DAB1: variants seen among roughly 807,000 people sequenced by gnomAD.
The protein encoded by DAB1 is disabled homolog 1.
DAB1 carries 15 observed loss-of-function variants against 64.6 expected under a neutral mutation model. The observed-to-expected ratio is 0.23, with a 90% confidence interval of 0.16 to 0.36. The LOEUF (loss-of-function observed/expected upper bound fraction) is 0.36, where lower values mean the gene tolerates loss of function less well. DAB1 is among the 10% of genes least tolerant of loss of function. The probability of loss-of-function intolerance (pLI) is 1.00; values close to 1 mark genes in which losing one functional copy is unlikely to be tolerated. For synonymous variants in DAB1, 235 were observed against 251.9 expected (o/e 0.93, Z 0.64); for missense variants, 596 against 706.7 (o/e 0.84, Z 1.78).
chr1:57,205,327 T>C (rs985967423), intron 2 of DAB1, among the ~76,000 whole-genome samples: 3 of 152,208 alleles, frequency 2.0e-5, no homozygotes, highest in Non-Finnish European at 2.9e-5. Flanking sequence ...CAAATACTTA[T>C]TGAGCACCTG....
At chr1:58,116,136 C>T (rs189783021) in intron 5 of DAB1, among the ~76,000 whole-genome samples, 194 of 152,280 alleles carry the variant, frequency 1.3e-3, no homozygotes, top group Admixed American at 2.2e-3. Flanking sequence ...AAGTAGAAGT[C>T]TGCTGAAAAA....
chr1:58,511,225 T>C (rs956671633), intron 2 of DAB1, among the ~76,000 whole-genome samples: 1 of 152,178 alleles, frequency 6.6e-6, no homozygotes. Flanking sequence ...TTTCAAAATA[T>C]ATTACAAAGC....
chr1:58,023,474 T>G (rs1259221021), intron 5 of DAB1, among the ~76,000 whole-genome samples: 1 of 152,138 alleles, frequency 6.6e-6, no homozygotes, highest in Non-Finnish European at 1.5e-5. Flanking sequence ...TGGATATTGG[T>G]ATTTTTAAAT....
chr1:57,796,991 C>T (rs1163198870), intron 6 of DAB1, among the ~76,000 whole-genome samples: 2 of 152,198 alleles, frequency 1.3e-5, no homozygotes, highest in African/African-American at 2.4e-5. Context: ...TGCTTCACAA[C>T]ATTATGCCCC....
At chr1:58,068,765 CAA>C (rs35122490) in intron 5 of DAB1, among the ~76,000 whole-genome samples, 29 of 85,392 alleles carry the variant, frequency 3.4e-4, no homozygotes, top group East Asian at 1.8e-3. Context: ...GACTCCATCT[CAA>C]AAAAAAAAAA....
chr1:57,250,307 G>A (rs1570051044), intron 2 of DAB1, among the ~76,000 whole-genome samples: 2 of 152,096 alleles, frequency 1.3e-5, no homozygotes, highest in Admixed American at 1.3e-4. Flanking sequence ...TCTATGTCTG[G>A]TAGTATAATT....
chr1:58,003,223 C>A (rs1017548163), intron 5 of DAB1, among the ~76,000 whole-genome samples: 1 of 152,124 alleles, frequency 6.6e-6, no homozygotes, highest in Non-Finnish European at 1.5e-5. Context: ...AGTAGGAACT[C>A]AAAATAAGCC....
chr1:57,985,614 G>A lies in DAB1; in HGVS notation n.388-101452C>T, dbSNP rs188328464. 9.6e-4 allele frequency among the ~76,000 whole-genome samples: 144 copies of A among 150,238 alleles called. 1 individual carries two copies. Among genetic ancestry groups the A allele is most frequent in the Admixed American group, 9.4e-3 (139 of 14,812 alleles). Reference sequence around the variant, plus strand: ...GAGAGAAAAATATAAAGTTTCCAACGTGGTCCCTGACTCACAGTAGACCCT... The same window carrying A: ...GAGAGAAAAATATAAAGTTTCCAACATGGTCCCTGACTCACAGTAGACCCT... On this transcript the variant is annotated intron_variant and non_coding_transcript_variant, in intron 5 of 20. Transcript: ENST00000485760.
intron 4 of DAB1, among the ~76,000 whole-genome samples, chr1:58,186,975 A>G (rs1290860396): frequency 6.6e-6 from 1 of 152,218 alleles, no homozygotes; most frequent in Non-Finnish European, 1.5e-5. Flanking sequence ...AGAGTGAGAC[A>G]GCACTACTAA....
Position 57,979,255 on chromosome 1 carries a change from C to T in DAB1, n.388-95093G>A, listed in dbSNP as rs138114396. ...GCCATAAAGAAAGGATGAGTTCATGCCCTTTGCGGGGACATGGATGAAGCT... is the reference window on the plus strand; with the variant it reads ...GCCATAAAGAAAGGATGAGTTCATGTCCTTTGCGGGGACATGGATGAAGCT... On this transcript the variant is annotated intron_variant and non_coding_transcript_variant, in intron 5 of 20. Transcript: ENST00000485760. 4.2e-3 allele frequency among the ~76,000 whole-genome samples: 636 copies of T among 152,256 alleles called. 7 individuals carry two copies. Among genetic ancestry groups the T allele is most frequent in the African/African-American group, 0.015 (612 of 41,556 alleles).
intron 4 of DAB1, among the ~76,000 whole-genome samples, chr1:58,205,308 T>C (rs1401541170): frequency 6.6e-6 from 1 of 152,200 alleles, no homozygotes; most frequent in Non-Finnish European, 1.5e-5. Flanking sequence ...GATTGTGTTA[T>C]TTTAATTCAT....
intron 9 of DAB1, among the ~76,000 whole-genome samples, chr1:57,062,232 T>C (rs1448966898): frequency 1.3e-5 from 2 of 152,222 alleles, no homozygotes; most frequent in South Asian, 2.1e-4. Context: ...TAATGTGGTA[T>C]GCCTCTTGGG....
At position 58,170,885 on chromosome 1, in the gene DAB1, C is replaced by T. The variant is rs192316704; in HGVS notation, n.310-20297G>A. ...TCATGTCATCACCCTCACTGAGCCC[C>T]GGATATGTTTAACCATTGAGGGCCA... is the stretch of plus-strand genomic sequence containing the variant. On this transcript the variant is annotated intron_variant and non_coding_transcript_variant, in intron 4 of 20. Transcript: ENST00000485760. Among the ~76,000 whole-genome samples, 32 of 152,182 alleles carry T rather than the reference C, an allele frequency of 2.1e-4. No individual in the cohort carries two copies. In the East Asian group the frequency reaches 4.1e-3, roughly 19 times the overall value.
At chr1:57,420,683 G>A (rs566803356) in intron 1 of DAB1, among the ~76,000 whole-genome samples, 24 of 152,116 alleles carry the variant, frequency 1.6e-4, no homozygotes, top group Non-Finnish European at 1.0e-4. Context: ...ATCCTGCTAT[G>A]TGCCAAAGCA....
chr1:57,912,749 A>C (rs1260550150), intron 5 of DAB1, among the ~76,000 whole-genome samples: 1 of 152,190 alleles, frequency 6.6e-6, no homozygotes, highest in African/African-American at 2.4e-5. Flanking sequence ...GCAAAGTCTC[A>C]GGATACAAAA....
chr1:57,070,978 C>G, intron 7 of DAB1, 45 bp downstream of exon 7: 1 of 1,534,826 alleles, frequency 6.5e-7, no homozygotes, highest in South Asian at 1.1e-5. Flanking sequence ...TGGCACAGGT[C>G]TAGTCACTCT....
chr1:57,982,744 G>A (rs1247351890), intron 5 of DAB1, among the ~76,000 whole-genome samples: 1 of 152,110 alleles, frequency 6.6e-6, no homozygotes, highest in Non-Finnish European at 1.5e-5. Flanking sequence ...TCTGCTACTG[G>A]TTACTGATTT....
At chr1:58,095,559 G>T (rs554815325) in intron 5 of DAB1, among the ~76,000 whole-genome samples, 3 of 152,190 alleles carry the variant, frequency 2.0e-5, no homozygotes, top group African/African-American at 4.8e-5. Context: ...TTTCCTGGAG[G>T]GCTGGAGTTA....
intron 5 of DAB1, among the ~76,000 whole-genome samples, chr1:58,071,392 GT>G: frequency 6.6e-6 from 1 of 151,218 alleles, no homozygotes; most frequent in African/African-American, 2.4e-5. Context: ...GTGTGTGTGT[GT>G]GTGTGTGTGT....
Sources: allele counts gnomAD v4.1 joint callset (sites outside exome capture counted in the v4.1 genomes callset), GRCh38; gene constraint gnomAD v4.1.1; transcripts MANE v1.5; gene names NCBI Gene and HGNC (gene_info 2026-07-23, HGNC 2026-07-21).